Variants in FHIT observed in about 807,000 individuals in gnomAD.
The protein encoded by FHIT is fragile histidine triad diadenosine triphosphatase.
Under a neutral mutation model 17.9 loss-of-function variants are expected in FHIT, and 19 were observed. The observed-to-expected ratio is 1.06, with a 90% CI of 0.74 to 1.56. FHIT has a LOEUF of 1.56. FHIT is among the 40% of genes most tolerant of loss of function. FHIT has a pLI of 0.00. For synonymous variants in FHIT, 81 were observed against 69.7 expected (o/e 1.16, Z -0.81); for missense variants, 248 against 189.2 (o/e 1.31, Z -1.82).
At chr3:60,317,635 G>GTGTATATA (rs1553742597) in intron 5 of FHIT, among the ~76,000 whole-genome samples, 125 of 134,466 alleles carry the variant, frequency 9.3e-4, no homozygotes, top group African/African-American at 3.2e-3. Flanking sequence ...GTGTGTGTGT[G>GTGTATATA]TATATATATA....
chr3:59,770,945 C>G (rs1702047296), intron 8 of FHIT, among the ~76,000 whole-genome samples: 1 of 152,226 alleles, frequency 6.6e-6, no homozygotes, highest in Non-Finnish European at 1.5e-5. Context: ...GCACTATGAA[C>G]ACTGTAATGC....
intron 5 of FHIT, among the ~76,000 whole-genome samples, chr3:60,531,505 C>G (rs1374784320): frequency 6.6e-6 from 1 of 151,972 alleles, no homozygotes; most frequent in Admixed American, 6.6e-5. Context: ...GTCTCGATCT[C>G]CTGACCTCGT....
chr3:60,514,309 G>A (rs371155147), intron 5 of FHIT, among the ~76,000 whole-genome samples: 1 of 152,318 alleles, frequency 6.6e-6, no homozygotes, highest in Admixed American at 6.5e-5. Flanking sequence ...GCATGCACAG[G>A]GCCTGCTTCT....
intron 8 of FHIT, among the ~76,000 whole-genome samples, chr3:59,818,932 A>G (rs1160963196): frequency 3.3e-5 from 5 of 152,144 alleles, no homozygotes; most frequent in African/African-American, 1.2e-4. Context: ...TCGGCTTCTT[A>G]TTTTTTGCAA....
intron 7 of FHIT, among the ~76,000 whole-genome samples, chr3:59,932,510 C>G (rs1253468572): frequency 1.3e-5 from 2 of 152,134 alleles, no homozygotes; most frequent in Admixed American, 1.3e-4. Context: ...GGAAAGGGAG[C>G]TGTTGTCATA....
chr3:61,091,584 A>G (rs1433859844), intron 2 of FHIT, among the ~76,000 whole-genome samples: 3 of 152,106 alleles, frequency 2.0e-5, no homozygotes, highest in Admixed American at 6.6e-5. Flanking sequence ...CGTTAGCAAA[A>G]TAGAAAAGAG....
chr3:60,991,556 T>C (rs1264515088), intron 3 of FHIT, among the ~76,000 whole-genome samples: 2 of 152,300 alleles, frequency 1.3e-5, no homozygotes, highest in Middle Eastern at 3.4e-3. Context: ...AGGCCCTGTC[T>C]TTGTCAGTAC....
intron 3 of FHIT, among the ~76,000 whole-genome samples, chr3:60,912,241 G>A (rs1706783334): frequency 6.6e-6 from 1 of 152,172 alleles, no homozygotes; most frequent in Non-Finnish European, 1.5e-5. Context: ...TGAAGCTCAT[G>A]TGTGCTAGGT....
intron 5 of FHIT, among the ~76,000 whole-genome samples, chr3:60,142,968 A>G (rs769176472): frequency 1.3e-5 from 2 of 152,228 alleles, no homozygotes; most frequent in African/African-American, 4.8e-5. Flanking sequence ...AAGACAAAGG[A>G]TAAGAATCAC....
At position 59,983,772 on chromosome 3, in the gene FHIT, T is replaced by A. The variant is rs574022903; in HGVS notation, c.279+27599A>T. On this transcript the variant is annotated intron_variant, in intron 7 of 9. Transcript: ENST00000492590. ...TAGTAATCAGAGAAGAATGAGAGGA[T>A]TGCCCCATTAGTACCAGAAAATCCC... Among the ~76,000 whole-genome samples, 13 of 152,118 alleles carry A rather than the reference T, an allele frequency of 8.5e-5. No homozygotes were observed. In the East Asian group the frequency reaches 2.3e-3, roughly 27 times the overall value.
intron 8 of FHIT, among the ~76,000 whole-genome samples, chr3:59,783,905 C>T (rs56377327): frequency 0.32 from 49,315 of 151,994 alleles, 8,462 homozygotes; most frequent in Middle Eastern, 0.48. Flanking sequence ...ATCATTGTCA[C>T]CTCTCCCTGG....
At chr3:60,136,505 C>T (rs1350468361) in intron 5 of FHIT, among the ~76,000 whole-genome samples, 1 of 152,132 alleles carries the variant, frequency 6.6e-6, no homozygotes, top group Non-Finnish European at 1.5e-5. Context: ...TGCTGAAATT[C>T]TTCCCCATTC....
chr3:61,091,275 A>G (rs1446849484), intron 2 of FHIT, among the ~76,000 whole-genome samples: 1 of 152,190 alleles, frequency 6.6e-6, no homozygotes, highest in Non-Finnish European at 1.5e-5. Context: ...CTACATGCCA[A>G]TCAGTGAAGC....
At chr3:61,133,135 C>A (rs2036814489) in intron 2 of FHIT, among the ~76,000 whole-genome samples, 1 of 152,162 alleles carries the variant, frequency 6.6e-6, no homozygotes. Flanking sequence ...GTCTCAAACC[C>A]CAAGAATAAA....
chr3:59,832,725 G>A (rs574814570), intron 8 of FHIT, among the ~76,000 whole-genome samples: 96 of 152,258 alleles, frequency 6.3e-4, no homozygotes, highest in Middle Eastern at 3.4e-3. Context: ...TACTGCAGCC[G>A]AGGCTAATAC....
chr3:60,169,139 G>A (rs578129993), intron 5 of FHIT, among the ~76,000 whole-genome samples: 37 of 152,328 alleles, frequency 2.4e-4, no homozygotes, highest in African/African-American at 8.7e-4. Context: ...GCTCAAAATT[G>A]TGTGTGCCAA....
chr3:59,932,465 G>C (rs1194943246), intron 7 of FHIT, among the ~76,000 whole-genome samples: 1 of 152,202 alleles, frequency 6.6e-6, no homozygotes, highest in African/African-American at 2.4e-5. Flanking sequence ...TGAGGAGAAA[G>C]AGGGGAATGG....
At chr3:60,449,958 G>A (rs985774804) in intron 5 of FHIT, among the ~76,000 whole-genome samples, 9 of 144,546 alleles carry the variant, frequency 6.2e-5, no homozygotes, top group Non-Finnish European at 1.2e-4. Flanking sequence ...AACCGAGATC[G>A]GGGCACTGCA....
intron 5 of FHIT, among the ~76,000 whole-genome samples, chr3:60,477,053 G>A (rs1040607335): frequency 3.3e-5 from 5 of 152,028 alleles, no homozygotes; most frequent in Non-Finnish European, 7.4e-5. Flanking sequence ...ATATAGTTCA[G>A]TACTTTTAAG....
Sources: gnomAD v4.1 joint callset for allele counts (sites outside exome capture counted in the v4.1 genomes callset) on GRCh38, gnomAD v4.1.1 for gene constraint, MANE v1.5 for transcripts, NCBI Gene and HGNC (gene_info 2026-07-23, HGNC 2026-07-21) for gene names.